The following ASPRV1 variants were observed in gnomAD, a reference collection of about 807,000 sequenced individuals.
ASPRV1 encodes aspartic peptidase retroviral like 1, also known as retroviral-like aspartic protease 1.
In ASPRV1, 7 loss-of-function variants were observed where a neutral mutation model predicts 11.0. The ratio of observed to expected loss-of-function variants is 0.64; its 90% CI spans 0.36 to 1.20. ASPRV1 has a LOEUF of 1.20. ASPRV1 is among the 50% of genes most tolerant of loss of function. ASPRV1 has a pLI of 0.02. For synonymous variants in ASPRV1, 136 were observed against 138.4 expected (o/e 0.98, Z 0.12); for missense variants, 299 against 320.0 (o/e 0.93, Z 0.50).
chr2:70,035,600 T>C, the ASPRV1 span, among the ~76,000 whole-genome samples: 1 of 151,060 alleles, frequency 6.6e-6, no homozygotes, highest in Non-Finnish European at 1.5e-5. Context: ...AGTCTAGCAA[T>C]TGCAAGAAAA....
chr2:69,970,143 G>C, the ASPRV1 span, among the ~76,000 whole-genome samples: 1 of 152,008 alleles, frequency 6.6e-6, no homozygotes, highest in Non-Finnish European at 1.5e-5. Flanking sequence ...CTGGACTGCT[G>C]GGTCGCCAGT....
the ASPRV1 span, among the ~76,000 whole-genome samples, chr2:70,026,433 T>C: frequency 2.0e-5 from 3 of 150,724 alleles, no homozygotes; most frequent in Non-Finnish European, 4.4e-5. Flanking sequence ...AAATTATTCT[T>C]GTTTACAACA....
the ASPRV1 span, among the ~76,000 whole-genome samples, chr2:69,948,574 C>T: frequency 6.6e-6 from 1 of 152,192 alleles, no homozygotes; most frequent in African/African-American, 2.4e-5. Flanking sequence ...GTGGAGGCTC[C>T]GGGCTGGCTG....
chr2:69,979,275 C>T, the ASPRV1 span, among the ~76,000 whole-genome samples: 3 of 152,158 alleles, frequency 2.0e-5, no homozygotes, highest in Non-Finnish European at 4.4e-5. Flanking sequence ...CCTCATGATC[C>T]ACCCGCCTCG....
the ASPRV1 span, chr2:70,030,866 T>C: frequency 6.6e-6 from 1 of 152,154 alleles, no homozygotes; most frequent in African/African-American, 2.4e-5. Context: ...TCAATAAACA[T>C]ATGCTGAATG....
At chr2:69,963,312 A>G, upstream of ASPRV1, 1 of 456,556 alleles carries the variant, frequency 2.2e-6, no homozygotes, top group Non-Finnish European at 4.4e-6. Context: ...CTTTGAGAAG[A>G]CTGTATAATG....
At chr2:69,961,697 G>C, upstream of ASPRV1, 1 of 1,528,034 alleles carries the variant, frequency 6.5e-7, no homozygotes, top group Non-Finnish European at 8.8e-7. Context: ...ATTCTCCTTT[G>C]TTCTGGAAGC....
chr2:70,074,546 G>T, the ASPRV1 span, among the ~76,000 whole-genome samples: 1 of 151,530 alleles, frequency 6.6e-6, no homozygotes, highest in African/African-American at 2.4e-5. Flanking sequence ...AAAGTACTGG[G>T]ATTACAGGCA....
chr2:70,000,924 A>C, the ASPRV1 span, among the ~76,000 whole-genome samples: 1 of 152,226 alleles, frequency 6.6e-6, no homozygotes, highest in Admixed American at 6.5e-5. Context: ...AAAAGAGAAA[A>C]GGAAAAGGAA....
chr2:70,074,337 G>A, the ASPRV1 span, among the ~76,000 whole-genome samples: 1 of 149,162 alleles, frequency 6.7e-6, no homozygotes, highest in African/African-American at 2.5e-5. Flanking sequence ...CGCCCAGGCT[G>A]GAGTGCAGTG....
the ASPRV1 span, chr2:69,939,906 T>G: frequency 2.0e-5 from 3 of 152,470 alleles, no homozygotes; most frequent in Non-Finnish European, 4.4e-5. Flanking sequence ...ACAGCTAAGG[T>G]CAAAGTTCAA....
At chr2:69,995,822 T>C in the ASPRV1 span, among the ~76,000 whole-genome samples, 2 of 152,194 alleles carry the variant, frequency 1.3e-5, no homozygotes, top group Non-Finnish European at 2.9e-5. Context: ...GAATGAGGGC[T>C]GAGGCCAGCG....
chr2:69,970,433 C>T, the ASPRV1 span, among the ~76,000 whole-genome samples: 1 of 152,176 alleles, frequency 6.6e-6, no homozygotes, highest in Non-Finnish European at 1.5e-5. Flanking sequence ...CATGCTCTAC[C>T]TATACAAAAT....
the ASPRV1 span, among the ~76,000 whole-genome samples, chr2:70,001,140 G>A: frequency 6.6e-6 from 1 of 151,434 alleles, no homozygotes; most frequent in African/African-American, 2.4e-5. Flanking sequence ...CATACTCCTT[G>A]ATCTACTCTA....
chr2:69,961,299 G>A lies in ASPRV1; in HGVS notation c.138C>T (p.Asp46=), dbSNP rs752611968. 1 of 1,614,082 alleles carries A rather than the reference G, an allele frequency of 6.2e-7. No homozygotes were observed. Residue 46 remains aspartate, a synonymous_variant, in exon 1 of 1, where the codon GAC becomes GAT. Coordinates refer to ENST00000320256, the MANE Select transcript of ASPRV1 (RefSeq NM_152792.4). ...TCAGGAACCTTAGCTTGGTGATATG[G>A]TCCCAATGGTTGAGGTCATTGATGA... The part of the protein sequence containing the change: ...FEVINDLNHW[D]HITKLRFLKE...
the ASPRV1 span, among the ~76,000 whole-genome samples, chr2:69,943,775 C>T: frequency 6.6e-6 from 1 of 152,190 alleles, no homozygotes; most frequent in African/African-American, 2.4e-5. Flanking sequence ...CTCATTGGCG[C>T]TCAAGTCCTC....
At chr2:69,976,857 C>T in the ASPRV1 span, among the ~76,000 whole-genome samples, 1 of 152,108 alleles carries the variant, frequency 6.6e-6, no homozygotes, top group Non-Finnish European at 1.5e-5. Context: ...CAGAGTGCCC[C>T]TGACAAAACA....
the ASPRV1 span, among the ~76,000 whole-genome samples, chr2:69,986,533 G>C: frequency 1.3e-5 from 2 of 152,232 alleles, no homozygotes; most frequent in Non-Finnish European, 2.9e-5. Flanking sequence ...CAGCAGTGCT[G>C]AGCAGGAGGG....
Position 69,961,595 on chromosome 2 carries a change from G to A in ASPRV1, c.-159C>T, listed in dbSNP as rs1276255127. On this transcript the variant is annotated 5_prime_UTR_variant, in exon 1 of 1. Transcript: ENST00000320256. ...AAGCAGGAGGGAGCAGGCGCGGTCGGCTGGCTGACTGCTGGGGCAGAGGCA... is the reference window on the plus strand; with the variant it reads ...AAGCAGGAGGGAGCAGGCGCGGTCGACTGGCTGACTGCTGGGGCAGAGGCA... The A allele has an allele frequency of 1.9e-6, 3 of 1,612,656 alleles. No individual in the cohort carries two copies. The highest frequency in any genetic ancestry group is 2.2e-5 in the East Asian group (1 of 44,868).
Sources: gnomAD v4.1 joint callset for allele counts (sites outside exome capture counted in the v4.1 genomes callset) on GRCh38, gnomAD v4.1.1 for gene constraint, MANE v1.5 for transcripts, NCBI Gene and HGNC (gene_info 2026-07-23, HGNC 2026-07-21) for gene names.